Variants in ANK3 observed in about 807,000 individuals in gnomAD.
The protein encoded by ANK3 is ankyrin 3.
ANK3 carries 57 observed loss-of-function variants against 370.9 expected under a neutral mutation model. That is an observed-to-expected ratio of 0.15 (90% CI 0.12 to 0.19). ANK3 has a LOEUF of 0.19. ANK3 is among the 10% of genes least tolerant of loss of function. ANK3 has a pLI of 1.00. For synonymous variants in ANK3, 1,929 were observed against 1,946.3 expected (o/e 0.99, Z 0.23); for missense variants, 4,439 against 5,302.1 (o/e 0.84, Z 5.06).
At chr10:60,626,902 A>G (rs2078418901) in intron 1 of ANK3, among the ~76,000 whole-genome samples, 1 of 152,132 alleles carries the variant, frequency 6.6e-6, no homozygotes, top group Admixed American at 6.6e-5. Flanking sequence ...GAGGGAGACC[A>G]GGACAGGAAC....
chr10:60,095,777 A>C (rs917054973), intron 28 of ANK3, among the ~76,000 whole-genome samples: 2 of 152,270 alleles, frequency 1.3e-5, no homozygotes, highest in African/African-American at 4.8e-5. Flanking sequence ...CCATGTGTTT[A>C]TAACTCAAAT....
chr10:60,570,588 G>A (rs2077569929), intron 2 of ANK3, among the ~76,000 whole-genome samples: 1 of 152,124 alleles, frequency 6.6e-6, no homozygotes, highest in South Asian at 2.1e-4. Context: ...AAACAGAAAT[G>A]TGGGTACAGG....
At chr10:60,264,140 T>C (rs2097846386) in intron 5 of ANK3, 120 bp from the exon 6 acceptor site, 10 of 771,170 alleles carry the variant, frequency 1.3e-5, no homozygotes, top group Non-Finnish European at 1.8e-5. Flanking sequence ...TTATTAAAAC[T>C]AACAACATAT....
intron 2 of ANK3, among the ~76,000 whole-genome samples, chr10:60,560,395 A>G (rs2077307065): frequency 6.6e-6 from 1 of 152,178 alleles, no homozygotes; most frequent in Non-Finnish European, 1.5e-5. Flanking sequence ...ACTAGCACCT[A>G]TTTCAAGCTC....
At chr10:60,531,012 A>G (rs550676260) in intron 2 of ANK3, among the ~76,000 whole-genome samples, 21 of 152,160 alleles carry the variant, frequency 1.4e-4, no homozygotes, top group Admixed American at 3.9e-4. Flanking sequence ...GAGCAAAACT[A>G]AACTTTGTCT....
chr10:60,222,103 A>T (rs2097069995), intron 8 of ANK3, among the ~76,000 whole-genome samples: 1 of 152,228 alleles, frequency 6.6e-6, no homozygotes, highest in Non-Finnish European at 1.5e-5. Flanking sequence ...TTCAAGTGTC[A>T]GTCTCCTTTG....
intron 2 of ANK3, among the ~76,000 whole-genome samples, chr10:60,604,516 C>T (rs930574677): frequency 3.9e-5 from 6 of 152,150 alleles, no homozygotes; most frequent in African/African-American, 1.4e-4. Flanking sequence ...AATTTGATTG[C>T]TGGCTTGTGA....
chr10:60,085,306 A>G, intron 30 of ANK3, 53 bp from the exon 31 acceptor site: 1 of 1,408,956 alleles, frequency 7.1e-7, no homozygotes, highest in South Asian at 1.2e-5. Flanking sequence ...TGCTCCTTGT[A>G]AAATTTTCAT....
At chr10:60,037,941 A>G (rs1398909249) in intron 43 of ANK3, among the ~76,000 whole-genome samples, 1 of 152,132 alleles carries the variant, frequency 6.6e-6, no homozygotes, top group Non-Finnish European at 1.5e-5. Flanking sequence ...TTTCTCCACA[A>G]CCTTGCCAGC....
At chr10:60,729,154 A>G (rs907566241) in intron 1 of ANK3, among the ~76,000 whole-genome samples, 1 of 152,194 alleles carries the variant, frequency 6.6e-6, no homozygotes, top group African/African-American at 2.4e-5. Flanking sequence ...TCATTTTTAG[A>G]TTCTTAACTT....
rs1175384246 is a variant in ANK3 at position 60,278,809 on chromosome 10, C to G, written c.379G>C (p.Val127Leu). The G allele has an allele frequency of 1.9e-6, 3 of 1,613,934 alleles. No homozygotes were observed. Among genetic ancestry groups the G allele is most frequent in the Non-Finnish European group, 2.5e-6 (3 of 1,179,928 alleles). Residue 127 changes from valine to leucine, a missense_variant, in exon 4 of 44, where the codon GTT (valine) becomes CTT (leucine). Around this residue, in one of 13 missense-constraint regions of ANK3, gnomAD observed 136 missense variants for 230.5 expected, o/e 0.59. Transcript: ENST00000280772. ...AGQAEVVKVL[V>L]TNGANVNAQS... ...GCATTGACATTGGCTCCATTTGTAACCAAGACTTTTACCACCTCTGCTTGC... is the reference window on the plus strand; with the variant it reads ...GCATTGACATTGGCTCCATTTGTAAGCAAGACTTTTACCACCTCTGCTTGC...
rs141657740 is a variant in ANK3 at position 60,466,371 on chromosome 10, G to A, written c.96+148815C>T. Among the ~76,000 whole-genome samples, 883 of 152,196 alleles carry A rather than the reference G, an allele frequency of 5.8e-3. 5 individuals carry two copies. Among genetic ancestry groups the A allele is most frequent in the Admixed American group, 0.014 (216 of 15,286 alleles). On this transcript the variant is annotated intron_variant, in intron 2 of 43. Transcript: ENST00000373827. ...ATTAAACCCTCACGATGCCAATAACGCCCTAATCACTTTACATGTTTGCCT... is the reference window on the plus strand; with the variant it reads ...ATTAAACCCTCACGATGCCAATAACACCCTAATCACTTTACATGTTTGCCT...
At chr10:60,035,713 G>A (rs1000163904) in intron 43 of ANK3, among the ~76,000 whole-genome samples, 1 of 151,498 alleles carries the variant, frequency 6.6e-6, no homozygotes, top group Admixed American at 6.6e-5. Context: ...AAAAAGGCGG[G>A]GTGCGGTGGC....
chr10:60,603,807 C>A (rs746368235), intron 2 of ANK3, among the ~76,000 whole-genome samples: 1 of 152,086 alleles, frequency 6.6e-6, no homozygotes, highest in Non-Finnish European at 1.5e-5. Context: ...GGACACTGGA[C>A]AAGAGCTGTC....
At chr10:60,626,769 G>A (rs1448231179) in intron 1 of ANK3, among the ~76,000 whole-genome samples, 1 of 152,188 alleles carries the variant, frequency 6.6e-6, no homozygotes, top group African/African-American at 2.4e-5. Flanking sequence ...ATGAGGTTAA[G>A]AGGTAGAGTT....
At chr10:60,180,615 C>CAAAAA (rs990463587) in intron 18 of ANK3, among the ~76,000 whole-genome samples, 1 of 106,158 alleles carries the variant, frequency 9.4e-6, no homozygotes, top group Non-Finnish European at 1.9e-5. Context: ...AAAAAAAAAC[C>CAAAAA]AAAAAAAAAA....
chr10:60,433,878 G>A (rs540719487), intron 2 of ANK3, among the ~76,000 whole-genome samples: 1 of 152,320 alleles, frequency 6.6e-6, no homozygotes, highest in African/African-American at 2.4e-5. Context: ...GATCCTGCCA[G>A]CAGGATATGC....
intron 25 of ANK3, among the ~76,000 whole-genome samples, chr10:60,121,144 A>G (rs2093440279): frequency 6.6e-6 from 1 of 152,240 alleles, no homozygotes; most frequent in Admixed American, 6.5e-5. Context: ...GCCATAAAAA[A>G]GAATGAGAGC....
At position 60,069,712 on chromosome 10, in the gene ANK3, T is replaced by C. The variant is rs775448362; in HGVS notation, c.11169A>G (p.Lys3723=). ...KVDPKLRTPI[K]MGISASTMTM... ...TCATGGTGGATGCAGAAATTCCCATTTTTATAGGCGTGCGCAACTTGGGGT... is the reference window on the plus strand; with the variant it reads ...TCATGGTGGATGCAGAAATTCCCATCTTTATAGGCGTGCGCAACTTGGGGT... Residue 3723 remains lysine (K), a synonymous_variant, in exon 37 of 44, where the codon AAA becomes AAG. Coordinates refer to ENST00000280772, the MANE Select transcript of ANK3 (RefSeq NM_020987.5). 1 of 1,613,726 alleles carries C rather than the reference T, an allele frequency of 6.2e-7. No homozygotes were observed. The highest frequency in any genetic ancestry group is 8.5e-7 in the Non-Finnish European group (1 of 1,179,916).
Sources: gnomAD v4.1 joint callset for allele counts (sites outside exome capture counted in the v4.1 genomes callset) on GRCh38, gnomAD v4.1.1 for gene constraint, gnomAD v4.1.1 regional missense constraint, MANE v1.5 for transcripts, NCBI Gene and HGNC (gene_info 2026-07-23, HGNC 2026-07-21) for gene names.